OR9Q1: variants seen among roughly 807,000 people sequenced by gnomAD.
OR9Q1 encodes the protein olfactory receptor 9Q1.
For missense variants in OR9Q1, 374 were observed against 378.8 expected (o/e 0.99, Z 0.11); for synonymous variants, 153 against 148.6 (o/e 1.03, Z -0.22).
intron 2 of OR9Q1, chr11:58,118,866 T>C (rs749396103): frequency 6.2e-7 from 1 of 1,614,024 alleles, no homozygotes; most frequent in South Asian, 1.1e-5. Flanking sequence ...TCTCGATGTT[T>C]GCTGTGTCAC....
intron 2 of OR9Q1, among the ~76,000 whole-genome samples, chr11:58,154,110 G>C (rs1363430129): frequency 2.0e-5 from 3 of 151,292 alleles, no homozygotes; most frequent in Non-Finnish European, 4.4e-5. Context: ...GAGGAGGAAG[G>C]AGGAGGGGGA....
chr11:58,173,935 TC>T (rs766926233), intron 2 of OR9Q1, among the ~76,000 whole-genome samples: 3 of 152,190 alleles, frequency 2.0e-5, no homozygotes, highest in Non-Finnish European at 4.4e-5. Context: ...GATCATAAGA[TC>T]CTAGACTTTG....
intron 2 of OR9Q1, among the ~76,000 whole-genome samples, chr11:58,148,761 A>C (rs549538358): frequency 6.6e-6 from 1 of 152,196 alleles, no homozygotes; most frequent in South Asian, 2.1e-4. Context: ...CCTGAATCTT[A>C]CTTAGATAGA....
intron 1 of OR9Q1, chr11:58,041,717 G>A (rs1015969350): frequency 6.6e-6 from 1 of 152,322 alleles, no homozygotes; most frequent in Non-Finnish European, 1.5e-5. Flanking sequence ...AGACAACAGA[G>A]TGGGGAAGCT....
At chr11:58,076,526 A>C (rs1853540466) in intron 2 of OR9Q1, among the ~76,000 whole-genome samples, 1 of 152,194 alleles carries the variant, frequency 6.6e-6, no homozygotes, top group South Asian at 2.1e-4. Flanking sequence ...CAAGCAGGAG[A>C]ATGTGTCTTC....
intron 2 of OR9Q1, among the ~76,000 whole-genome samples, chr11:58,056,994 T>G (rs1010700216): frequency 3.5e-5 from 5 of 141,094 alleles, no homozygotes; most frequent in Non-Finnish European, 6.2e-5. Context: ...CAGGTTTTTT[T>G]TTTTTTTTTT....
At position 58,119,002 on chromosome 11, in the gene OR9Q1, G is replaced by A. The variant is rs764854281; in HGVS notation, c.-14-60429G>A. 11 of 1,613,748 alleles carry A rather than the reference G, an allele frequency of 6.8e-6. No individual in the cohort carries two copies. The Admixed American group carries it at 8.3e-5, about 12-fold the overall frequency. On this transcript the variant is annotated intron_variant, in intron 2 of 2. Transcript: ENST00000335397. ...GGCTCCTGACACCCCACAGACATAG[G>A]CTCCTACCACCAGGCTCCAGCAGAG...
intron 2 of OR9Q1, among the ~76,000 whole-genome samples, chr11:58,128,625 ATTTAC>A (rs1565084713): frequency 6.6e-6 from 1 of 152,160 alleles, no homozygotes; most frequent in Non-Finnish European, 1.5e-5. Context: ...AGAGTGGGAA[ATTTAC>A]TTAACATTAA....
chr11:58,125,731 C>T (rs990878038), intron 2 of OR9Q1, among the ~76,000 whole-genome samples: 2 of 152,086 alleles, frequency 1.3e-5, no homozygotes, highest in African/African-American at 2.4e-5. Flanking sequence ...TCAGCAGAGG[C>T]TCATTATCTC....
intron 2 of OR9Q1, among the ~76,000 whole-genome samples, chr11:58,178,967 T>C (rs1854632050): frequency 7.1e-6 from 1 of 140,956 alleles, no homozygotes; most frequent in Non-Finnish European, 1.5e-5. Context: ...ATAATATACA[T>C]AATATATATT....
At chr11:58,099,713 T>A (rs570368297) in intron 2 of OR9Q1, among the ~76,000 whole-genome samples, 1 of 152,328 alleles carries the variant, frequency 6.6e-6, no homozygotes, top group South Asian at 2.1e-4. Flanking sequence ...CTAATGAAAT[T>A]ACTGATGTGA....
rs529525907 is a variant in OR9Q1 at position 58,038,069 on chromosome 11, T to G, written c.-93+13965T>G. Among the ~76,000 whole-genome samples the G allele has an allele frequency of 2.5e-3, 379 of 151,764 alleles. 4 individuals are homozygous for G. The highest frequency in any genetic ancestry group is 8.9e-3 in the African/African-American group (370 of 41,378). ...TTTTGAGATAAATTACATAAAACGG[T>G]AAAAAGTCTGATGCATACCCATAGA... On this transcript the variant is annotated intron_variant, in intron 1 of 2. Coordinates refer to ENST00000335397, the MANE Select transcript of OR9Q1 (RefSeq NM_001005212.4).
intron 1 of OR9Q1, chr11:58,041,266 C>G (rs1853159374): frequency 1.3e-5 from 2 of 153,032 alleles, no homozygotes; most frequent in Admixed American, 1.3e-4. Context: ...CGCCCACCCC[C>G]TAAGCTGGGT....
intron 2 of OR9Q1, among the ~76,000 whole-genome samples, chr11:58,093,103 T>A (rs1565074170): frequency 5.3e-5 from 8 of 152,206 alleles, no homozygotes. Flanking sequence ...TCTATTTTGA[T>A]GGAAAGACAA....
At chr11:58,046,126 G>C (rs1457245119) in intron 1 of OR9Q1, among the ~76,000 whole-genome samples, 1 of 152,218 alleles carries the variant, frequency 6.6e-6, no homozygotes, top group Non-Finnish European at 1.5e-5. Context: ...AGAAGCAAGA[G>C]AGAAGATAAG....
intron 2 of OR9Q1, among the ~76,000 whole-genome samples, chr11:58,161,543 T>G (rs985241367): frequency 3.7e-5 from 5 of 134,060 alleles, no homozygotes; most frequent in Non-Finnish European, 8.1e-5. Flanking sequence ...TGCTCAGGCT[T>G]ATTCTGTTTT....
intron 2 of OR9Q1, among the ~76,000 whole-genome samples, chr11:58,135,185 T>G (rs1485701095): frequency 6.6e-6 from 1 of 152,220 alleles, no homozygotes; most frequent in Non-Finnish European, 1.5e-5. Context: ...ATGCTGGTTC[T>G]GCCTTTCTGC....
At chr11:58,131,336 C>T (rs7942438) in intron 2 of OR9Q1, among the ~76,000 whole-genome samples, 26,102 of 151,936 alleles carry the variant, frequency 0.17, 2,351 homozygotes, top group Non-Finnish European at 0.21. Context: ...TAGTGTTAGA[C>T]ACAGCAAAAT....
rs114572610 is a variant in OR9Q1, at chr11:58,058,479, C to G, written c.-15+2532C>G. ...AAGTCCTTAAAGGCAGGTATTATTC[C>G]TAAGTGTATGGTCAGGCTCAAGCTG... On this transcript the variant is annotated intron_variant, in intron 2 of 2. Coordinates refer to ENST00000335397, the MANE Select transcript of OR9Q1 (RefSeq NM_001005212.4). 7.5e-3 allele frequency among the ~76,000 whole-genome samples: 1,144 copies of G among 152,278 alleles called. 10 individuals carry two copies. Among genetic ancestry groups the G allele is most frequent in the African/African-American group, 0.026 (1,073 of 41,548 alleles).
Sources: gnomAD v4.1 joint callset for allele counts (sites outside exome capture counted in the v4.1 genomes callset) on GRCh38, gnomAD v4.1.1 for gene constraint, MANE v1.5 for transcripts, NCBI Gene and HGNC (gene_info 2026-07-23, HGNC 2026-07-21) for gene names.